The following ENKUR variants were observed in gnomAD, a reference collection of about 807,000 sequenced individuals.
ENKUR encodes enkurin, TRPC channel interacting protein.
ENKUR carries 19 observed loss-of-function variants against 27.6 expected under a neutral mutation model. That is an observed-to-expected ratio of 0.69 (90% CI 0.48 to 1.01). ENKUR has a LOEUF of 1.01. Ranked by LOEUF, ENKUR falls within the 50% of genes least tolerant of loss-of-function variation. The pLI is 0.00. For synonymous variants in ENKUR, 117 were observed against 96.9 expected (o/e 1.21, Z -1.22); for missense variants, 312 against 310.5 (o/e 1.00, Z -0.04).
intron 4 of ENKUR, 131 bp downstream of exon 4, chr10:24,990,332 A>T: frequency 8.2e-7 from 1 of 1,218,848 alleles, no homozygotes; most frequent in Non-Finnish European, 1.1e-6. Context: ...TGTAGTTTTT[A>T]ACTGTAACCC....
chr10:25,025,595 G>T (rs539814595), intron 2 of ENKUR: 11 of 819,228 alleles, frequency 1.3e-5, no homozygotes, highest in Non-Finnish European at 2.1e-5. Flanking sequence ...CTGATCTCTA[G>T]GGCTGACATG....
upstream of ENKUR, among the ~76,000 whole-genome samples, chr10:25,020,323 T>G (rs1850694517): frequency 6.6e-6 from 1 of 150,846 alleles, no homozygotes; most frequent in Non-Finnish European, 1.5e-5. Context: ...AAGTAAAATT[T>G]AAAAACAAGA....
At chr10:25,019,943 G>T (rs1323806172), upstream of ENKUR, among the ~76,000 whole-genome samples, 4 of 151,854 alleles carry the variant, frequency 2.6e-5, no homozygotes, top group African/African-American at 4.8e-5. Context: ...CCATATATAT[G>T]CCTTCTATGT....
chr10:25,009,637 C>G (rs1425771963), intron 1 of ENKUR, among the ~76,000 whole-genome samples: 1 of 152,068 alleles, frequency 6.6e-6, no homozygotes, highest in East Asian at 1.9e-4. Flanking sequence ...TGCTGTGTCC[C>G]CATCCAAATC....
intron 2 of ENKUR, among the ~76,000 whole-genome samples, chr10:25,060,250 G>A (rs547612026): frequency 2.0e-5 from 3 of 152,202 alleles, no homozygotes; most frequent in East Asian, 1.9e-4. Context: ...CAAGCAGACC[G>A]GGCGCCAGGC....
intron 2 of ENKUR, chr10:25,026,591 T>A (rs975159475): frequency 6.0e-6 from 1 of 165,658 alleles, no homozygotes; most frequent in African/African-American, 2.4e-5. Context: ...TTTGTAGTAA[T>A]ACATTTTAAC....
intron 2 of ENKUR, among the ~76,000 whole-genome samples, chr10:25,047,939 TA>T (rs1219452120): frequency 6.6e-6 from 1 of 152,240 alleles, no homozygotes; most frequent in African/African-American, 2.4e-5. Flanking sequence ...ACAATTTTTT[TA>T]TTGTCATTGT....
chr10:25,039,655 C>A (rs1055090569), intron 2 of ENKUR, among the ~76,000 whole-genome samples: 1 of 152,098 alleles, frequency 6.6e-6, no homozygotes, highest in Non-Finnish European at 1.5e-5. Context: ...GCAGTGCATA[C>A]CTTGTTAAGA....
At chr10:25,023,249 A>C (rs1042909893) in intron 2 of ENKUR, 1 of 1,612,628 alleles carries the variant, frequency 6.2e-7, no homozygotes, top group African/African-American at 1.3e-5. Flanking sequence ...CGATGTCATC[A>C]TCTGAAAAAG....
chr10:25,050,521 G>A (rs1164405776), intron 2 of ENKUR, among the ~76,000 whole-genome samples: 3 of 152,042 alleles, frequency 2.0e-5, no homozygotes, highest in Admixed American at 6.6e-5. Flanking sequence ...TCACTACCAC[G>A]AGAACAGCAT....
chr10:24,986,724 T>C (rs1223825608), intron 4 of ENKUR, among the ~76,000 whole-genome samples: 2 of 152,196 alleles, frequency 1.3e-5, no homozygotes, highest in Non-Finnish European at 2.9e-5. Context: ...ACAATAACGT[T>C]TGGATCAAAG....
intron 2 of ENKUR, among the ~76,000 whole-genome samples, chr10:25,060,412 AAC>A (rs1851313857): frequency 6.6e-6 from 1 of 152,182 alleles, no homozygotes; most frequent in South Asian, 2.1e-4. Flanking sequence ...CGCAGCAGAA[AAC>A]ACAGTTCTCA....
chr10:25,039,642 T>C (rs986880899), intron 2 of ENKUR, among the ~76,000 whole-genome samples: 2 of 152,200 alleles, frequency 1.3e-5, no homozygotes, highest in African/African-American at 4.8e-5. Flanking sequence ...TATCTAGCTA[T>C]GTGCAGTGCA....
At chr10:25,048,608 CA>C (rs1165758441) in intron 2 of ENKUR, among the ~76,000 whole-genome samples, 1 of 151,914 alleles carries the variant, frequency 6.6e-6, no homozygotes, top group African/African-American at 2.4e-5. Context: ...AACAAAGTCC[CA>C]CACAGGCAAT....
chr10:25,029,230 A>G (rs1850905846), intron 2 of ENKUR, among the ~76,000 whole-genome samples: 1 of 152,200 alleles, frequency 6.6e-6, no homozygotes, highest in Non-Finnish European at 1.5e-5. Context: ...TTAAAAATCT[A>G]TGAGTTTATG....
chr10:25,054,457 T>TTTTCTTTCTTC (rs1851224412), intron 2 of ENKUR, among the ~76,000 whole-genome samples: 1 of 100,860 alleles, frequency 9.9e-6, no homozygotes, highest in Non-Finnish European at 2.1e-5. Flanking sequence ...GTTTTTTCTC[T>TTTTCTTTCTTC]TTTCTTTCTT....
intron 2 of ENKUR, chr10:25,025,446 A>G (rs778608578): frequency 6.3e-7 from 1 of 1,599,490 alleles, no homozygotes; most frequent in African/African-American, 1.3e-5. Flanking sequence ...TCCAAAATCA[A>G]TTCATATGAA....
intron 2 of ENKUR, among the ~76,000 whole-genome samples, chr10:25,027,357 C>CAAAAAAAAAAAAAAA (rs71399946): frequency 2.1e-5 from 1 of 48,492 alleles, no homozygotes; most frequent in Non-Finnish European, 3.5e-5. Context: ...ACTCCCGTCT[C>CAAAAAAAAAAAAAAA]AAAAAAAAAA....
In ENKUR at chr10:24,990,594, G is replaced by A. The variant is rs754241618; in HGVS notation, c.463C>T (p.Pro155Ser). The A allele has an allele frequency of 1.2e-5, 19 of 1,598,720 alleles. No individual in the cohort carries two copies. The highest frequency in any genetic ancestry group is 1.6e-5 in the Non-Finnish European group (19 of 1,176,538). The change falls in exon 4 of 6, where the codon CCT (proline) becomes TCT (serine). Residue 155 changes from proline (P) to serine (S), a missense_variant. Pro to Ser is a moderately conservative substitution (Grantham distance 74). Transcript: ENST00000331161. ...YINKKDYGVT[P>S]EYICKRNEEI... ...TCGTTTCGCTTACATATGTATTCAG[G>A]TGTGACACCATAATCCTAAAAAGAT...
Sources: gnomAD v4.1 joint callset for allele counts (sites outside exome capture counted in the v4.1 genomes callset) on GRCh38, gnomAD v4.1.1 for gene constraint, MANE v1.5 for transcripts, NCBI Gene and HGNC (gene_info 2026-07-23, HGNC 2026-07-21) for gene names.